Variants in TPD52L1 observed in about 807,000 individuals in gnomAD.
The protein encoded by TPD52L1 is TPD52 like 1, also known as tumor protein D53.
Under a neutral mutation model 28.7 loss-of-function variants are expected in TPD52L1, and 18 were observed. The ratio of observed to expected loss-of-function variants is 0.63; its 90% confidence interval spans 0.43 to 0.93. TPD52L1 has a LOEUF of 0.93. Among genes scored for constraint, TPD52L1 ranks in the 40% least tolerant of loss-of-function variants. TPD52L1 has a pLI of 0.00. For missense variants in TPD52L1, 203 were observed against 254.8 expected (o/e 0.80, Z 1.39); for synonymous variants, 75 against 88.8 (o/e 0.84, Z 0.88).
chr6:125,157,855 G>T (rs563265297), intron 1 of TPD52L1, among the ~76,000 whole-genome samples: 1 of 152,142 alleles, frequency 6.6e-6, no homozygotes, highest in Non-Finnish European at 1.5e-5. Context: ...CAATTAACAT[G>T]TGCTGTCTCA....
intron 5 of TPD52L1, among the ~76,000 whole-genome samples, chr6:125,256,077 G>T (rs1184051498): frequency 6.6e-6 from 1 of 152,130 alleles, no homozygotes; most frequent in Non-Finnish European, 1.5e-5. Flanking sequence ...GGCCAGGCAC[G>T]GTGGCTCACG....
At chr6:125,206,103 G>T (rs759083295) in intron 1 of TPD52L1, among the ~76,000 whole-genome samples, 3 of 152,184 alleles carry the variant, frequency 2.0e-5, no homozygotes, top group Non-Finnish European at 4.4e-5. Flanking sequence ...CTCAGGCTGA[G>T]CATTGCAGAC....
Position 125,223,770 on chromosome 6 carries a change from T to A in TPD52L1, c.135+3577T>A, listed in dbSNP as rs138963876. ...ACATAACTTGATCTTTAATTTATTG[T>A]TGTGGTCATGCAATATGTATCTTTT... On this transcript the variant is annotated intron_variant, in intron 2 of 6. Transcript: ENST00000534000. Among the ~76,000 whole-genome samples, 884 of 151,902 alleles carry A rather than the reference T, an allele frequency of 5.8e-3. 12 individuals are homozygous for A. Among genetic ancestry groups the A allele is most frequent in the African/African-American group, 0.02 (828 of 41,412 alleles).
chr6:125,163,907 ACT>A (rs1471835887), intron 1 of TPD52L1, among the ~76,000 whole-genome samples: 3 of 146,230 alleles, frequency 2.1e-5, no homozygotes, highest in South Asian at 2.2e-4. Context: ...ACAGAGTGAC[ACT>A]CTGTCTCAAA....
chr6:125,172,846 TCTA>T (rs1281137766), intron 1 of TPD52L1, among the ~76,000 whole-genome samples: 4 of 151,670 alleles, frequency 2.6e-5, no homozygotes, highest in African/African-American at 4.8e-5. Context: ...TTTTTGAAAG[TCTA>T]CTGGCTCCTG....
intron 1 of TPD52L1, among the ~76,000 whole-genome samples, chr6:125,204,818 T>C (rs2114910787): frequency 6.6e-6 from 1 of 152,302 alleles, no homozygotes; most frequent in Non-Finnish European, 1.5e-5. Flanking sequence ...AGTACAAATG[T>C]AAGGGCATGA....
chr6:125,189,611 A>G (rs187257571), intron 1 of TPD52L1, among the ~76,000 whole-genome samples: 1 of 152,276 alleles, frequency 6.6e-6, no homozygotes, highest in Admixed American at 6.5e-5. Flanking sequence ...TATTTTTCTG[A>G]ATGATTAACA....
chr6:125,162,939 T>A (rs13210923), intron 1 of TPD52L1, among the ~76,000 whole-genome samples: 1 of 152,224 alleles, frequency 6.6e-6, no homozygotes, highest in Non-Finnish European at 1.5e-5. Flanking sequence ...AACAGGGAAC[T>A]ACGAGTCAGA....
chr6:125,154,947 A>G (rs1259344406), intron 1 of TPD52L1, among the ~76,000 whole-genome samples: 1 of 151,930 alleles, frequency 6.6e-6, no homozygotes, highest in East Asian at 1.9e-4. Flanking sequence ...GAAAAAAAAA[A>G]AGGTTCATGA....
At chr6:125,190,024 G>A (rs912101239) in intron 1 of TPD52L1, among the ~76,000 whole-genome samples, 21 of 151,988 alleles carry the variant, frequency 1.4e-4, no homozygotes, top group African/African-American at 5.1e-4. Context: ...CAACATTGGG[G>A]TGTCGGTGGT....
At chr6:125,227,454 A>G (rs370410465) in intron 2 of TPD52L1, among the ~76,000 whole-genome samples, 28 of 152,286 alleles carry the variant, frequency 1.8e-4, no homozygotes, top group African/African-American at 6.5e-4. Context: ...TGACAGCCTG[A>G]CAGGGTTGGT....
At chr6:125,229,407 GA>G in intron 3 of TPD52L1, 141 bp downstream of exon 3, 2 of 790,428 alleles carry the variant, frequency 2.5e-6, no homozygotes, top group Non-Finnish European at 1.9e-6. Context: ...GCAAAGCAAA[GA>G]AATGTGAATA....
intron 1 of TPD52L1, among the ~76,000 whole-genome samples, chr6:125,212,087 A>G (rs1298150102): frequency 1.3e-5 from 2 of 152,184 alleles, no homozygotes; most frequent in African/African-American, 2.4e-5. Context: ...ACATGTAGAT[A>G]TTTTGAAGTT....
At chr6:125,246,825 C>T (rs769937198) in intron 3 of TPD52L1, among the ~76,000 whole-genome samples, 25 of 151,754 alleles carry the variant, frequency 1.6e-4, no homozygotes, top group Non-Finnish European at 3.2e-4. Flanking sequence ...CAGATTCTTC[C>T]TTGACCCTTA....
chr6:125,223,623 T>C (rs1795399976), intron 2 of TPD52L1, among the ~76,000 whole-genome samples: 1 of 147,770 alleles, frequency 6.8e-6, no homozygotes, highest in African/African-American at 2.5e-5. Flanking sequence ...GCACAAGAAT[T>C]GCTTGAACCC....
chr6:125,236,768 C>G (rs554076446), intron 3 of TPD52L1, among the ~76,000 whole-genome samples: 9 of 152,246 alleles, frequency 5.9e-5, no homozygotes, highest in African/African-American at 2.2e-4. Context: ...GACTTTCTTC[C>G]TTTCCTCCAC....
At chr6:125,185,874 T>C (rs1792576689) in intron 1 of TPD52L1, among the ~76,000 whole-genome samples, 1 of 150,542 alleles carries the variant, frequency 6.6e-6, no homozygotes, top group Non-Finnish European at 1.5e-5. Context: ...GAATACCATG[T>C]ATAACTTTTT....
At position 125,263,049 on chromosome 6, in the gene TPD52L1, C is replaced by T; in HGVS notation, c.*87C>T. ...CTTATCCAGATAAGAAGACCAAAAT[C>T]CCGCTGGGAAAAACCCAGGCCTTGA... On this transcript the variant is annotated 3_prime_UTR_variant, in exon 7 of 7. Transcript: ENST00000534000. 1 of 1,438,854 alleles carries T rather than the reference C, an allele frequency of 6.9e-7. No individual in the cohort carries two copies. Among genetic ancestry groups the T allele is most frequent in the Non-Finnish European group, 9.1e-7 (1 of 1,093,624 alleles). The allele number at this position is 1,438,854 out of a possible 1,614,324, so 89.1% of individuals were successfully genotyped here. A position where few individuals can be genotyped will look rare whatever the true frequency, so the allele number is the denominator to read the frequency against.
At chr6:125,180,647 G>T (rs562762769) in intron 1 of TPD52L1, among the ~76,000 whole-genome samples, 1 of 151,856 alleles carries the variant, frequency 6.6e-6, no homozygotes, top group Non-Finnish European at 1.5e-5. Context: ...GATAGAGGAC[G>T]TAAAGGAGAG....
Sources: gnomAD v4.1 joint callset for allele counts (sites outside exome capture counted in the v4.1 genomes callset) on GRCh38, gnomAD v4.1.1 for gene constraint, MANE v1.5 for transcripts, NCBI Gene and HGNC (gene_info 2026-07-23, HGNC 2026-07-21) for gene names.